LRRK1: variants seen among roughly 807,000 people sequenced by gnomAD.
The protein encoded by LRRK1 is leucine rich repeat kinase 1.
A neutral mutation model predicts 209.1 loss-of-function variants in LRRK1; 113 were observed. That is an observed-to-expected ratio of 0.54 (90% CI 0.46 to 0.63). The LOEUF is 0.63. Ranked by LOEUF, LRRK1 falls within the 30% of genes least tolerant of loss-of-function variation. LRRK1 has a pLI of 0.00. For synonymous variants in LRRK1, 1,144 were observed against 1,099.7 expected (o/e 1.04, Z -0.80); for missense variants, 2,284 against 2,632.2 (o/e 0.87, Z 2.89).
At position 100,919,476 on chromosome 15, in the gene LRRK1, C is replaced by T. The variant is rs528305654; in HGVS notation, c.-123+25C>T. 1 of 147,944 alleles carries T rather than the reference C, an allele frequency of 6.8e-6. No individual in the cohort carries two copies. Among genetic ancestry groups the T allele is most frequent in the Non-Finnish European group, 1.5e-5 (1 of 66,140 alleles). 9.2% of individuals were successfully genotyped at this position (147,944 alleles called of 1,614,324 possible). On this transcript the variant is annotated intron_variant, in intron 1 of 33. Transcript: ENST00000388948. The surrounding 1 kb of genome is among the most constrained non-coding windows in gnomAD (Gnocchi z 5.8). ...GGTAAGCGCCGCTCCTGCCGGCGCC[C>T]CCCGGCGGCCTGGCTGCCTCCCGGC...
intron 2 of LRRK1, among the ~76,000 whole-genome samples, chr15:100,941,408 GT>G (rs1567190986): frequency 7.9e-5 from 1 of 12,702 alleles, no homozygotes; most frequent in African/African-American, 2.9e-4. Flanking sequence ...GTCTGTGTGT[GT>G]CTCTGTGTGT....
chr15:100,989,827 C>T (rs2032059317), intron 6 of LRRK1, among the ~76,000 whole-genome samples: 1 of 152,078 alleles, frequency 6.6e-6, no homozygotes, highest in South Asian at 2.1e-4. Flanking sequence ...ATCCCCCTCC[C>T]AGAGTTTTTG....
In LRRK1 at chr15:100,953,059, T is replaced by G. The variant is rs2042686749; in HGVS notation, c.98-20745T>G. On this transcript the variant is annotated intron_variant, in intron 2 of 33. Coordinates refer to ENST00000388948, the MANE Select transcript of LRRK1 (RefSeq NM_024652.6). ...GTGATTATTTGATATACATAAATGT[T>G]GCAAAATGATGAGCATAATCAAGTT... Among the ~76,000 whole-genome samples, 6 of 152,366 alleles carry G rather than the reference T, an allele frequency of 3.9e-5. No individual in the cohort carries two copies. In the South Asian group the frequency reaches 1.2e-3, roughly 32 times the overall value.
chr15:101,061,165 T>TTA lies in LRRK1; in HGVS notation c.4680-5_4680-4dup. 6.2e-7 allele frequency: 1 copy of TTA among 1,610,900 alleles called. No individual in the cohort carries two copies. The highest frequency in any genetic ancestry group is 8.5e-7 in the Non-Finnish European group (1 of 1,177,396). ...GCACTGACAGCACAGTTTCTGCCAC[T>TTA]TACAGGAACTACACGGTGGTGAACA... is the stretch of plus-strand genomic sequence containing the variant. On this transcript the variant is annotated splice_region_variant and splice_polypyrimidine_tract_variant and intron_variant, in intron 29 of 33. Transcript: ENST00000388948.
intron 27 of LRRK1, 49 bp downstream of exon 27, chr15:101,055,272 C>A (rs2035731878): frequency 3.4e-6 from 5 of 1,484,046 alleles, no homozygotes; most frequent in Non-Finnish European, 2.7e-6. Context: ...GGAGCCCAGC[C>A]CTCAGGCTAG....
At chr15:100,990,990 T>C (rs1195591868) in intron 6 of LRRK1, among the ~76,000 whole-genome samples, 2 of 152,186 alleles carry the variant, frequency 1.3e-5, no homozygotes, top group African/African-American at 2.4e-5. Flanking sequence ...ACCTTTCTGG[T>C]ATTTATTTGT....
intron 6 of LRRK1, among the ~76,000 whole-genome samples, chr15:101,006,372 T>TAAAAAAAAAAAAAAAAAAAAAA (rs56053663): frequency 8.7e-6 from 1 of 114,452 alleles, no homozygotes. Context: ...GACAATGTGA[T>TAAAAAAAAAAAAAAAAAAAAAA]AAAAAAAAAA....
chr15:100,972,363 A>AGAGAGAGAGTGTGTGT (rs1176201849), intron 2 of LRRK1, among the ~76,000 whole-genome samples: 6 of 98,474 alleles, frequency 6.1e-5, no homozygotes, highest in Middle Eastern at 4.6e-3. Flanking sequence ...AGAGAGAGAG[A>AGAGAGAGAGTGTGTGT]GTGTGTGTGT....
chr15:100,927,206 C>G (rs2042131430), intron 2 of LRRK1, among the ~76,000 whole-genome samples: 3 of 152,344 alleles, frequency 2.0e-5, no homozygotes, highest in Middle Eastern at 6.8e-3. Context: ...TTGATTCTTA[C>G]AGGTCCCAGG....
intron 20 of LRRK1, 109 bp downstream of exon 20, chr15:101,029,341 C>A: frequency 1.8e-6 from 2 of 1,110,196 alleles, no homozygotes; most frequent in Non-Finnish European, 2.5e-6. Context: ...ATCAGTGCTG[C>A]CACTGCTGCC....
At chr15:100,950,799 AC>A (rs1359009586) in intron 2 of LRRK1, among the ~76,000 whole-genome samples, 5 of 152,364 alleles carry the variant, frequency 3.3e-5, no homozygotes, top group Admixed American at 1.3e-4. Flanking sequence ...CAACAAAAAA[AC>A]AACCCAATTT....
rs2033930187 is a variant in LRRK1 at position 101,024,454 on chromosome 15, C to CTG, written c.2068-348_2068-347dup. ...CCTCTTGCCCTGGCACACAGGGAGG[C>CTG]TGAACCCCAGTGCAAGCCGTGACAT... On this transcript the variant is annotated intron_variant, in intron 15 of 33. Coordinates refer to ENST00000388948, the MANE Select transcript of LRRK1 (RefSeq NM_024652.6). This position sits in a 1 kb window ranked among gnomAD's most constrained non-coding sequence, Gnocchi z 4.6. Among the ~76,000 whole-genome samples the CTG allele has an allele frequency of 6.6e-6, 1 of 152,180 alleles. No individual in the cohort carries two copies. Among genetic ancestry groups the CTG allele is most frequent in the African/African-American group, 2.4e-5 (1 of 41,446 alleles).
chr15:101,023,624 C>G (rs1031179808), intron 15 of LRRK1, among the ~76,000 whole-genome samples: 1 of 152,234 alleles, frequency 6.6e-6, no homozygotes, highest in African/African-American at 2.4e-5. Context: ...ACTGAGGAGG[C>G]TTGAGATCCA....
chr15:100,941,428 CTGTGTGTGTGTGTGTG>C (rs140546147), intron 2 of LRRK1, among the ~76,000 whole-genome samples: 1 of 51,308 alleles, frequency 1.9e-5, no homozygotes, highest in African/African-American at 1.3e-4. Flanking sequence ...GTGTGTGTGT[CTGTGTGTGTGTGTGTG>C]TCTGTGTGTG....
intron 2 of LRRK1, among the ~76,000 whole-genome samples, chr15:100,959,561 A>G (rs533251280): frequency 2.6e-5 from 4 of 152,182 alleles, no homozygotes; most frequent in Admixed American, 6.5e-5. Flanking sequence ...AGCTAAGGGA[A>G]GCTTGGTCCA....
At chr15:101,011,864 C>T in intron 9 of LRRK1, 144 bp from the exon 10 acceptor site, 2 of 664,678 alleles carry the variant, frequency 3.0e-6, no homozygotes, top group South Asian at 3.9e-5. Flanking sequence ...GGTGTGCAGC[C>T]TTCCAGCAAC....
intron 6 of LRRK1, among the ~76,000 whole-genome samples, chr15:100,992,871 G>A (rs561002813): frequency 6.6e-6 from 1 of 152,284 alleles, no homozygotes; most frequent in East Asian, 1.9e-4. Context: ...ATTTCACCAT[G>A]TTGGTCAGGC....
intron 29 of LRRK1, among the ~76,000 whole-genome samples, chr15:101,059,988 G>A (rs371763980): frequency 7.2e-5 from 11 of 152,210 alleles, no homozygotes; most frequent in African/African-American, 2.2e-4. Context: ...AGACACACAC[G>A]CGGCAGGTAC....
chr15:101,019,586 A>C (rs1476617354), intron 12 of LRRK1, among the ~76,000 whole-genome samples: 1 of 152,158 alleles, frequency 6.6e-6, no homozygotes, highest in Non-Finnish European at 1.5e-5. Flanking sequence ...CAGGTTACCC[A>C]TTACCATTGT....
Sources: allele counts gnomAD v4.1 joint callset (sites outside exome capture counted in the v4.1 genomes callset), GRCh38; gene constraint gnomAD v4.1.1; non-coding constraint Gnocchi (gnomAD v3.1); transcripts MANE v1.5; gene names NCBI Gene and HGNC (gene_info 2026-07-23, HGNC 2026-07-21).